Variants in SEC63 observed in about 807,000 individuals in gnomAD.
SEC63 encodes translocation protein SEC63 homolog.
In SEC63, 56 loss-of-function variants were observed where a neutral mutation model predicts 116.2. The ratio of observed to expected loss-of-function variants is 0.48; its 90% confidence interval spans 0.39 to 0.60. SEC63 has a LOEUF of 0.60. Among genes scored for constraint, SEC63 ranks in the 20% least tolerant of loss-of-function variants. The pLI is 0.00. For synonymous variants in SEC63, 273 were observed against 294.6 expected, an observed-to-expected ratio of 0.93 and a Z score of 0.75; for missense variants, 668 against 900.0, an observed-to-expected ratio of 0.74 and a Z score of 3.30.
In SEC63 at chr6:107,913,441, A is replaced by G. The variant is rs780589975; in HGVS notation, c.453-14T>C. On this transcript the variant is annotated splice_polypyrimidine_tract_variant and intron_variant, in intron 4 of 20. Transcript: ENST00000369002. ...TCATCCGTTAAACTAGCATCAAAAG[A>G]ACAAAGTTGCAAAATTAGAAAGCCA... 9 of 1,609,648 alleles carry G rather than the reference A, an allele frequency of 5.6e-6. No individual in the cohort carries two copies. Among genetic ancestry groups the G allele is most frequent in the Non-Finnish European group, 4.3e-6 (5 of 1,176,160 alleles).
rs887660132 is a variant in SEC63 at position 107,939,210 on chromosome 6, C to T, written c.125-9696G>A. ...AGGCAGGAGGATCACCGGAGCCCAGCAGTTCGAGGCTGTAGTGAGCCATGA... is the reference window on the plus strand; with the variant it reads ...AGGCAGGAGGATCACCGGAGCCCAGTAGTTCGAGGCTGTAGTGAGCCATGA... On this transcript the variant is annotated intron_variant, in intron 1 of 20. Transcript: ENST00000369002. Among the ~76,000 whole-genome samples the T allele has an allele frequency of 2.0e-5, 3 of 152,028 alleles. No homozygotes were observed. The East Asian group carries it at 5.8e-4, about 29-fold the overall frequency.
chr6:107,940,532 A>C (rs1562338692), intron 1 of SEC63, among the ~76,000 whole-genome samples: 1 of 152,108 alleles, frequency 6.6e-6, no homozygotes, highest in African/African-American at 2.4e-5. Flanking sequence ...TGCCAGGAAC[A>C]GCTCCCCAGT....
chr6:107,951,678 G>A (rs1770581699), intron 1 of SEC63, among the ~76,000 whole-genome samples: 1 of 152,138 alleles, frequency 6.6e-6, no homozygotes, highest in African/African-American at 2.4e-5. Flanking sequence ...ATGGGTACAA[G>A]TGTTTTAAAA....
At chr6:107,911,478 T>G (rs1583750066) in intron 6 of SEC63, 82 bp from the exon 7 acceptor site, 12 of 888,248 alleles carry the variant, frequency 1.4e-5, no homozygotes, top group Admixed American at 1.8e-5. Flanking sequence ...AGGCTTACAA[T>G]GGGGGAGCCA....
Position 107,871,813 on chromosome 6 carries a change from T to C in SEC63, c.2174A>G (p.Asn725Ser), listed in dbSNP as rs1368930377. 1 of 1,613,640 alleles carries C rather than the reference T, an allele frequency of 6.2e-7. No individual in the cohort carries two copies. Among genetic ancestry groups the C allele is most frequent in the African/African-American group, 1.3e-5 (1 of 74,926 alleles). Residue 725 changes from asparagine to serine, a missense_variant, in exon 21 of 21, where the codon AAT becomes AGT. Asn to Ser is a conservative substitution (Grantham distance 46). This residue lies in a region of SEC63 where 85 missense variants were observed against 116.3 expected (regional missense o/e 0.73). Coordinates refer to ENST00000369002, the MANE Select transcript of SEC63 (RefSeq NM_007214.5). ...TATTGCTGTATCCCACTGTGGGTGA[T>C]TTTCTGGCACAGGCTTAGCCTCATG... ...EVHEAKPVPE[N>S]HPQWDTAIEG...
rs1257237510 is a variant in SEC63 at position 107,957,955 on chromosome 6, G to C, written c.55C>G (p.Leu19Val). ...ACGATGAGCCCCACGAAGGAGGTGAGGAAGTAGAAGAAGGTGTTCCCACTG... is the reference window on the plus strand; with the variant it reads ...ACGATGAGCCCCACGAAGGAGGTGACGAAGTAGAAGAAGGTGTTCCCACTG... ...DDSGNTFFYF[L>V]TSFVGLIVIP... Residue 19 changes from leucine (L) to valine (V), a missense_variant, in exon 1 of 21, where the codon CTC becomes GTC. Leu to Val is a conservative substitution (Grantham distance 32). This residue lies in a region of SEC63 where 142 missense variants were observed against 169.5 expected (regional missense o/e 0.84). Coordinates refer to ENST00000369002, the MANE Select transcript of SEC63 (RefSeq NM_007214.5). 1 of 1,613,364 alleles carries C rather than the reference G, an allele frequency of 6.2e-7. No individual in the cohort carries two copies. The highest frequency in any genetic ancestry group is 1.3e-5 in the African/African-American group (1 of 74,872).
intron 11 of SEC63, among the ~76,000 whole-genome samples, chr6:107,904,307 G>A (rs1319393355): frequency 6.6e-6 from 1 of 151,754 alleles, no homozygotes; most frequent in Non-Finnish European, 1.5e-5. Context: ...CTGCTCAGGA[G>A]GCTGAGGCAG....
chr6:107,901,321 C>A (rs1330719962), intron 13 of SEC63, 49 bp downstream of exon 13: 27 of 1,561,488 alleles, frequency 1.7e-5, no homozygotes, highest in Non-Finnish European at 2.2e-5. Context: ...AAATGAGAAC[C>A]AATCTATCAA....
chr6:107,871,577 T>C lies in SEC63; in HGVS notation c.*127A>G, dbSNP rs1786133733. The C allele has an allele frequency of 7.1e-6, 6 of 843,826 alleles. No individual in the cohort carries two copies. Among genetic ancestry groups the C allele is most frequent in the South Asian group, 2.8e-5 (2 of 72,240 alleles). 52.3% of individuals were successfully genotyped at this position (843,826 alleles called of 1,614,324 possible). On this transcript the variant is annotated 3_prime_UTR_variant, in exon 21 of 21. Transcript: ENST00000369002. ...ACTGCCTAGTTATATTATGCACCCA[T>C]TTCAAGAGTAAAAAAACTACACCTC... is the stretch of plus-strand genomic sequence containing the variant.
intron 2 of SEC63, among the ~76,000 whole-genome samples, chr6:107,926,962 C>T (rs1787689749): frequency 6.6e-6 from 1 of 152,188 alleles, no homozygotes; most frequent in South Asian, 2.1e-4. Context: ...TAACGGATCA[C>T]ATCATGCTCT....
At chr6:107,885,290 T>A (rs1234395861) in intron 16 of SEC63, among the ~76,000 whole-genome samples, 1 of 152,232 alleles carries the variant, frequency 6.6e-6, no homozygotes, top group Non-Finnish European at 1.5e-5. Context: ...TGTCTACAAA[T>A]GGTTAGAATT....
chr6:107,918,087 G>C (rs921786254), intron 4 of SEC63, among the ~76,000 whole-genome samples: 2 of 152,150 alleles, frequency 1.3e-5, no homozygotes, highest in African/African-American at 2.4e-5. Context: ...TTAACTTGAA[G>C]CCAATGCTGG....
chr6:107,951,784 C>T (rs1770584508), intron 1 of SEC63, among the ~76,000 whole-genome samples: 1 of 151,788 alleles, frequency 6.6e-6, no homozygotes, highest in African/African-American at 2.4e-5. Context: ...GAGATCAAGA[C>T]CATCCTGGCT....
At chr6:107,914,191 T>G (rs1430612716) in intron 4 of SEC63, among the ~76,000 whole-genome samples, 1 of 152,174 alleles carries the variant, frequency 6.6e-6, no homozygotes, top group Non-Finnish European at 1.5e-5. Context: ...TTAAAATGAA[T>G]TCCCAATTCC....
At chr6:107,910,607 TCATA>T (rs1199535645) in intron 7 of SEC63, among the ~76,000 whole-genome samples, 3 of 152,082 alleles carry the variant, frequency 2.0e-5, no homozygotes, top group Admixed American at 6.5e-5. Flanking sequence ...CACACACGTG[TCATA>T]CATATATGCA....
intron 13 of SEC63, 50 bp from the exon 14 acceptor site, chr6:107,897,781 T>C (rs771870415): frequency 3.0e-5 from 38 of 1,262,824 alleles, no homozygotes; most frequent in African/African-American, 2.2e-4. Flanking sequence ...TCAAGTTCTA[T>C]GTTAATGCAA....
At chr6:107,923,959 A>T (rs1787612917) in intron 3 of SEC63, among the ~76,000 whole-genome samples, 1 of 152,152 alleles carries the variant, frequency 6.6e-6, no homozygotes, top group Non-Finnish European at 1.5e-5. Flanking sequence ...AATATTACAG[A>T]TCTCTCTTAA....
chr6:107,927,238 A>AT (rs1156571316), intron 2 of SEC63, among the ~76,000 whole-genome samples: 1 of 151,702 alleles, frequency 6.6e-6, no homozygotes, highest in Non-Finnish European at 1.5e-5. Flanking sequence ...AATTTTTTGT[A>AT]TTTTTTTAGT....
At chr6:107,904,835 C>T in intron 10 of SEC63, 114 bp from the exon 11 acceptor site, 2 of 830,404 alleles carry the variant, frequency 2.4e-6, no homozygotes, top group South Asian at 2.8e-5. Context: ...TTCACATGAT[C>T]TCAGAATTTT....
Sources: gnomAD v4.1 joint callset for allele counts (sites outside exome capture counted in the v4.1 genomes callset) on GRCh38, gnomAD v4.1.1 for gene constraint, gnomAD v4.1.1 regional missense constraint, MANE v1.5 for transcripts, NCBI Gene and HGNC (gene_info 2026-07-23, HGNC 2026-07-21) for gene names.